HSD17B12: variants seen among roughly 807,000 people sequenced by gnomAD.
HSD17B12 encodes hydroxysteroid 17-beta dehydrogenase 12.
HSD17B12 carries 32 observed loss-of-function variants against 39.3 expected under a neutral mutation model. That is an observed-to-expected ratio of 0.81 (90% CI 0.61 to 1.09). HSD17B12 has a LOEUF of 1.09. Among genes scored for constraint, HSD17B12 ranks in the 50% least tolerant of loss-of-function variants. The pLI is 0.00. For synonymous variants in HSD17B12, 150 were observed against 146.7 expected (o/e 1.02, Z -0.16); for missense variants, 342 against 382.9 (o/e 0.89, Z 0.89).
chr11:43,841,074 C>T (rs562469679), intron 9 of HSD17B12, among the ~76,000 whole-genome samples: 4 of 152,228 alleles, frequency 2.6e-5, no homozygotes, highest in East Asian at 1.9e-4. Flanking sequence ...GCCATCATAA[C>T]GGGTATGAAG....
At chr11:43,647,510 C>G in the HSD17B12 span, among the ~76,000 whole-genome samples, 1 of 149,462 alleles carries the variant, frequency 6.7e-6, no homozygotes, top group African/African-American at 2.5e-5. Context: ...ACTTCTTGCC[C>G]CAAGTGATCC....
At chr11:43,659,970 C>A in the HSD17B12 span, among the ~76,000 whole-genome samples, 3 of 152,080 alleles carry the variant, frequency 2.0e-5, no homozygotes, top group Admixed American at 1.3e-4. Context: ...TTAGAACCTG[C>A]CTGCTTGGTA....
chr11:43,732,251 T>C (rs1950274481), intron 1 of HSD17B12, among the ~76,000 whole-genome samples: 1 of 152,200 alleles, frequency 6.6e-6, no homozygotes, highest in Admixed American at 6.5e-5. Flanking sequence ...GTAAATTTCC[T>C]GAGGCCTCCC....
the HSD17B12 span, among the ~76,000 whole-genome samples, chr11:43,651,611 G>A: frequency 1.2e-4 from 18 of 152,210 alleles, no homozygotes; most frequent in Admixed American, 5.2e-4. Flanking sequence ...AGACAGTCTC[G>A]CTCTGTCGCC....
chr11:43,763,366 C>T (rs932605973), intron 3 of HSD17B12, among the ~76,000 whole-genome samples: 2 of 151,906 alleles, frequency 1.3e-5, no homozygotes, highest in South Asian at 2.1e-4. Context: ...AAAGTCAACA[C>T]AAAAGCTCAA....
intron 3 of HSD17B12, among the ~76,000 whole-genome samples, chr11:43,788,685 CAAAAAAAAAAAAAA>C (rs57970272): frequency 1.1e-4 from 11 of 100,918 alleles, no homozygotes; most frequent in African/African-American, 4.1e-4. Flanking sequence ...TTTCCTTCCT[CAAAAAAAAAAAAAA>C]AAAAAAAAAA....
At chr11:43,598,989 C>T in the HSD17B12 span, among the ~76,000 whole-genome samples, 5 of 152,260 alleles carry the variant, frequency 3.3e-5, no homozygotes, top group East Asian at 1.9e-4. Flanking sequence ...ACTCTGCCAC[C>T]GATTTCTTAC....
the HSD17B12 span, among the ~76,000 whole-genome samples, chr11:43,659,520 C>G: frequency 6.6e-6 from 1 of 152,070 alleles, no homozygotes; most frequent in South Asian, 2.1e-4. Context: ...TGATCCTATT[C>G]GGCCATCTTG....
chr11:43,594,226 G>A, the HSD17B12 span, among the ~76,000 whole-genome samples: 1 of 152,026 alleles, frequency 6.6e-6, no homozygotes, highest in South Asian at 2.1e-4. Flanking sequence ...AAAATGTCCT[G>A]AATGAAGTAT....
At chr11:43,594,696 T>C in the HSD17B12 span, among the ~76,000 whole-genome samples, 1 of 152,172 alleles carries the variant, frequency 6.6e-6, no homozygotes, top group Non-Finnish European at 1.5e-5. Context: ...CTCCTGTGTT[T>C]GCATTAAAAA....
intron 1 of HSD17B12, among the ~76,000 whole-genome samples, chr11:43,694,513 C>CA (rs112461855): frequency 2.4e-4 from 34 of 144,600 alleles, no homozygotes; most frequent in Admixed American, 6.9e-4. Context: ...TCAGCCAGGG[C>CA]AAAAAAAAAG....
In HSD17B12 at chr11:43,706,573, A is replaced by T. The variant is rs572988811; in HGVS notation, c.160+25586A>T. 7.2e-5 allele frequency among the ~76,000 whole-genome samples: 11 copies of T among 152,202 alleles called. 1 individual carries two copies. In the East Asian group the frequency reaches 2.1e-3, roughly 29 times the overall value. ...AGAAAAAAGACCTCAGTCTGTGAAG[A>T]CTTTGGTCATACACTATTGCTTGGG... On this transcript the variant is annotated intron_variant, in intron 1 of 10. Transcript: ENST00000278353.
intron 2 of HSD17B12, among the ~76,000 whole-genome samples, chr11:43,751,196 G>T (rs913776260): frequency 6.6e-6 from 1 of 152,144 alleles, no homozygotes; most frequent in African/African-American, 2.4e-5. Context: ...TGGGTAGTTG[G>T]AACTGGGAAC....
At chr11:43,598,405 A>AT in the HSD17B12 span, among the ~76,000 whole-genome samples, 4 of 147,166 alleles carry the variant, frequency 2.7e-5, no homozygotes, top group African/African-American at 7.6e-5. Flanking sequence ...GAGCTGGGGT[A>AT]TTTTTTTTTC....
chr11:43,819,395 G>A (rs1451879954), intron 6 of HSD17B12, among the ~76,000 whole-genome samples: 1 of 152,062 alleles, frequency 6.6e-6, no homozygotes, highest in African/African-American at 2.4e-5. Context: ...TGTGCTTCAT[G>A]GTCACAGACT....
the HSD17B12 span, among the ~76,000 whole-genome samples, chr11:43,650,021 C>T: frequency 1.4e-4 from 22 of 152,142 alleles, no homozygotes; most frequent in Non-Finnish European, 3.1e-4. Context: ...CTAGTTGTTA[C>T]GTAAATCAGA....
chr11:43,758,727 G>A (rs946370189), intron 3 of HSD17B12, among the ~76,000 whole-genome samples: 4 of 152,152 alleles, frequency 2.6e-5, no homozygotes, highest in African/African-American at 4.8e-5. Context: ...GCTTAGCACA[G>A]TCTTTGTACT....
intron 9 of HSD17B12, among the ~76,000 whole-genome samples, chr11:43,841,764 A>G (rs1951428525): frequency 6.6e-6 from 1 of 152,076 alleles, no homozygotes; most frequent in Non-Finnish European, 1.5e-5. Context: ...CCTATCAGCT[A>G]CCCCACCTCT....
intron 1 of HSD17B12, among the ~76,000 whole-genome samples, chr11:43,732,231 T>C (rs1950274338): frequency 6.6e-6 from 1 of 152,182 alleles, no homozygotes; most frequent in Non-Finnish European, 1.5e-5. Flanking sequence ...CGTCCCTTTC[T>C]GCCATGATTG....
Sources: allele counts gnomAD v4.1 joint callset (sites outside exome capture counted in the v4.1 genomes callset), GRCh38; gene constraint gnomAD v4.1.1; transcripts MANE v1.5; gene names NCBI Gene and HGNC (gene_info 2026-07-23, HGNC 2026-07-21).